Variants in PCLAF observed in about 807,000 individuals in gnomAD.
The protein encoded by PCLAF is PCNA-associated factor.
PCLAF carries 12 observed loss-of-function variants against 15.1 expected under a neutral mutation model. The observed-to-expected ratio is 0.79, with a 90% CI of 0.51 to 1.29. PCLAF has a LOEUF of 1.29. Among genes scored for constraint, PCLAF ranks in the 50% most tolerant of loss-of-function variants. The probability of loss-of-function intolerance (pLI) is 0.00; values close to 1 mark genes in which losing one functional copy is unlikely to be tolerated. For missense variants in PCLAF, 116 were observed against 130.9 expected, an observed-to-expected ratio of 0.89 and a Z score of 0.56; for synonymous variants, 33 against 47.1, an observed-to-expected ratio of 0.70 and a Z score of 1.22.
chr15:64,372,233 A>C (rs1596323096), intron 3 of PCLAF, among the ~76,000 whole-genome samples: 1 of 152,300 alleles, frequency 6.6e-6, no homozygotes, highest in East Asian at 1.9e-4. Flanking sequence ...TTTCACTTTT[A>C]AGTGTATATG....
chr15:64,383,070 T>G (rs1899864638), upstream of PCLAF: 1 of 155,472 alleles, frequency 6.4e-6, no homozygotes, highest in Non-Finnish European at 1.4e-5. Context: ...GAAAGGCTAC[T>G]CTAGAAGTGT....
chr15:64,381,278 T>A lies in PCLAF; in HGVS notation c.46+48A>T, dbSNP rs552887085. 8.1e-5 allele frequency: 130 copies of A among 1,603,922 alleles called. 2 individuals carry two copies. In the South Asian group the frequency reaches 1.3e-3, roughly 16 times the overall value. On this transcript the variant is annotated intron_variant, in intron 1 of 3. Transcript: ENST00000300035. ...TGGCGTCTGTCGCCCGTGGCCAGGC[T>A]GCCGGGAGGACCCCCCCGCCCTCCA... is the stretch of plus-strand genomic sequence containing the variant.
intron 1 of PCLAF, among the ~76,000 whole-genome samples, chr15:64,387,251 G>A (rs1300524387): frequency 6.6e-6 from 1 of 151,998 alleles, no homozygotes. Flanking sequence ...GCGTGGTGGC[G>A]GGTGCCTGTA....
In PCLAF at chr15:64,366,025, A is replaced by G. The variant is rs745325168; in HGVS notation, c.*5T>C. Reference sequence around the variant, plus strand: ...AGACGTTATTCAAAGATGAATGAGAAAGTTCTATTCTTTTTCATCATTTGT... The same window carrying G: ...AGACGTTATTCAAAGATGAATGAGAGAGTTCTATTCTTTTTCATCATTTGT... On this transcript the variant is annotated 3_prime_UTR_variant, in exon 4 of 4. Coordinates refer to ENST00000300035, the MANE Select transcript of PCLAF (RefSeq NM_014736.6). The G allele has an allele frequency of 3.1e-6, 5 of 1,605,922 alleles. No homozygotes were observed. Among genetic ancestry groups the G allele is most frequent in the Non-Finnish European group, 3.4e-6 (4 of 1,174,184 alleles).
Position 64,365,783 on chromosome 15 carries a change from C to T in PCLAF, c.*247G>A. The T allele has an allele frequency of 4.2e-6, 2 of 471,880 alleles. No individual in the cohort carries two copies. The highest frequency in any genetic ancestry group is 7.5e-6 in the Non-Finnish European group (2 of 267,322). 29.2% of individuals were successfully genotyped at this position (471,880 alleles called of 1,614,324 possible). ...TGCAATGACTTGATTTTAGCAAGAA[C>T]TAGACACTTAATTTGGTAAAAGAAA... On this transcript the variant is annotated 3_prime_UTR_variant, in exon 4 of 4. Coordinates refer to ENST00000300035, the MANE Select transcript of PCLAF (RefSeq NM_014736.6).
In PCLAF at chr15:64,364,667, AATAT is replaced by A. The variant is rs1236157496; in HGVS notation, c.*1359_*1362del. The A allele has an allele frequency of 6.6e-6, 1 of 150,906 alleles. No homozygotes were observed. 9.3% of individuals were successfully genotyped at this position (150,906 alleles called of 1,614,324 possible). The stretch of plus-strand genomic sequence containing the variant: ...GCTAATTTTTTATTGTTCATATATA[AATAT>A]ATATTTTTTTCTTTTCTTTCTTTTT... On this transcript the variant is annotated 3_prime_UTR_variant, in exon 4 of 4. Transcript: ENST00000300035.
upstream of PCLAF, among the ~76,000 whole-genome samples, chr15:64,381,685 G>A (rs1460559095): frequency 6.6e-6 from 1 of 152,172 alleles, no homozygotes; most frequent in Non-Finnish European, 1.5e-5. Context: ...ACTAGTGGGT[G>A]CTAAGTTTCT....
upstream of PCLAF, among the ~76,000 whole-genome samples, chr15:64,385,660 A>G (rs529893433): frequency 9.5e-4 from 144 of 152,154 alleles, no homozygotes; most frequent in African/African-American, 3.4e-3. Flanking sequence ...AAAAAGAAAA[A>G]GAAATACCTA....
At position 64,381,063 on chromosome 15, in the gene PCLAF, GT is replaced by G. The variant is rs1596328167; in HGVS notation, c.47-26del. On this transcript the variant is annotated intron_variant, in intron 1 of 3. Coordinates refer to ENST00000300035, the MANE Select transcript of PCLAF (RefSeq NM_014736.6). ...ACTGTGAAGAGAGGCAAAAAAGGGT[GT>G]TCAGAAGGGGCAGGAGGGTTCCGAC... The G allele has an allele frequency of 2.5e-6, 4 of 1,609,496 alleles. No homozygotes were observed. The East Asian group carries it at 8.9e-5, about 36-fold the overall frequency.
At chr15:64,369,760 T>A (rs1220638460) in intron 3 of PCLAF, among the ~76,000 whole-genome samples, 1 of 152,182 alleles carries the variant, frequency 6.6e-6, no homozygotes, top group East Asian at 1.9e-4. Flanking sequence ...TGCTTTCATA[T>A]GTCAAATACT....
intron 3 of PCLAF, among the ~76,000 whole-genome samples, chr15:64,366,754 T>C (rs547110341): frequency 4.6e-5 from 7 of 151,882 alleles, no homozygotes; most frequent in African/African-American, 1.7e-4. Flanking sequence ...GGGTGGAACA[T>C]TTGAGGTCAG....
At chr15:64,381,860 T>G (rs1899832328), upstream of PCLAF, among the ~76,000 whole-genome samples, 1 of 152,208 alleles carries the variant, frequency 6.6e-6, no homozygotes, top group Admixed American at 6.5e-5. Flanking sequence ...TAAAAGAACT[T>G]GAGAACTTTC....
chr15:64,382,531 A>C (rs1899850538), upstream of PCLAF: 1 of 153,952 alleles, frequency 6.5e-6, no homozygotes, highest in African/African-American at 2.4e-5. Context: ...AAACGAAAAG[A>C]CCCTGCCAAA....
intron 3 of PCLAF, among the ~76,000 whole-genome samples, chr15:64,368,603 G>A (rs1899149133): frequency 6.6e-6 from 1 of 152,068 alleles, no homozygotes; most frequent in African/African-American, 2.4e-5. Flanking sequence ...TCCATAGAGA[G>A]TTTATATCAT....
chr15:64,377,650 C>T (rs371910581), intron 2 of PCLAF, among the ~76,000 whole-genome samples: 1 of 145,240 alleles, frequency 6.9e-6, no homozygotes, highest in East Asian at 2.0e-4. Context: ...AGTTAAAGCA[C>T]ATATAAGAGG....
intron 3 of PCLAF, among the ~76,000 whole-genome samples, chr15:64,372,674 A>G (rs1804947988): frequency 6.6e-6 from 1 of 151,074 alleles, no homozygotes; most frequent in African/African-American, 2.4e-5. Flanking sequence ...CCAAAGCCCT[A>G]AAGAGTTAAG....
At chr15:64,381,261 G>T in intron 1 of PCLAF, 65 bp downstream of exon 1, 1 of 1,581,692 alleles carries the variant, frequency 6.3e-7, no homozygotes, top group Non-Finnish European at 8.7e-7. Flanking sequence ...TCTGGCGTCT[G>T]TCGCCCGTGG....
chr15:64,375,632 A>T (rs1899578017), intron 3 of PCLAF, among the ~76,000 whole-genome samples: 2 of 152,110 alleles, frequency 1.3e-5, no homozygotes, highest in Admixed American at 6.6e-5. Context: ...AGCTCAAGCG[A>T]TCTGCCCACT....
intron 3 of PCLAF, among the ~76,000 whole-genome samples, chr15:64,375,188 G>A (rs768422754): frequency 3.9e-5 from 6 of 151,906 alleles, no homozygotes; most frequent in Non-Finnish European, 8.8e-5. Context: ...GCAGTGGTGC[G>A]ATCTCAGCTC....
Sources: allele counts gnomAD v4.1 joint callset (sites outside exome capture counted in the v4.1 genomes callset), GRCh38; gene constraint gnomAD v4.1.1; transcripts MANE v1.5; gene names NCBI Gene and HGNC (gene_info 2026-07-23, HGNC 2026-07-21).